ARHGEF10: variants seen among roughly 807,000 people sequenced by gnomAD.
ARHGEF10 encodes Rho guanine nucleotide exchange factor (GEF) 10.
In ARHGEF10, 140 loss-of-function variants were observed where a neutral mutation model predicts 147.4. The ratio of observed to expected loss-of-function variants is 0.95; its 90% CI spans 0.83 to 1.09. The LOEUF is 1.09. Ranked by LOEUF, ARHGEF10 falls within the 50% of genes least tolerant of loss-of-function variation. ARHGEF10 has a pLI of 0.00. For missense variants in ARHGEF10, 2,222 were observed against 1,752.7 expected (o/e 1.27, Z -4.78); for synonymous variants, 902 against 695.8 (o/e 1.30, Z -4.67).
At chr8:1,949,231 G>A (rs763887782) in intron 27 of ARHGEF10, among the ~76,000 whole-genome samples, 13 of 152,116 alleles carry the variant, frequency 8.5e-5, no homozygotes, top group African/African-American at 2.7e-4. Context: ...GTCTCAGCAC[G>A]CTGGCCCCTG....
At chr8:1,898,353 T>G in intron 14 of ARHGEF10, 80 bp from the exon 15 acceptor site, 1 of 1,226,500 alleles carries the variant, frequency 8.2e-7, no homozygotes, top group Non-Finnish European at 1.2e-6. Context: ...GTGTTCAGTG[T>G]GGTGGGGAGG....
chr8:1,856,484 A>G (rs1805563478), intron 2 of ARHGEF10, among the ~76,000 whole-genome samples: 1 of 152,218 alleles, frequency 6.6e-6, no homozygotes, highest in Admixed American at 6.5e-5. Context: ...TGACTAGTTT[A>G]GGAGATTCAA....
At chr8:1,832,247 G>A (rs1374736121) in intron 1 of ARHGEF10, among the ~76,000 whole-genome samples, 1 of 152,198 alleles carries the variant, frequency 6.6e-6, no homozygotes, top group East Asian at 1.9e-4. Context: ...GTGGGCGGGG[G>A]GCGCGTTGTG....
chr8:1,840,297 GCTGTCTGGTGTGGGGA>G (rs1803918424), intron 1 of ARHGEF10, among the ~76,000 whole-genome samples: 1 of 130,102 alleles, frequency 7.7e-6, no homozygotes, highest in Admixed American at 7.5e-5. Flanking sequence ...CTGTGTGGAA[GCTGTCTGGTGTGGGGA>G]CTGTCTGGTG....
chr8:1,900,339 A>C (rs1810352426), intron 15 of ARHGEF10, among the ~76,000 whole-genome samples: 4 of 152,184 alleles, frequency 2.6e-5, no homozygotes, highest in African/African-American at 7.2e-5. Flanking sequence ...ATCCACCTTC[A>C]GCCGTCCTGG....
At chr8:1,872,775 G>C (rs778067224) in intron 7 of ARHGEF10, among the ~76,000 whole-genome samples, 1 of 152,162 alleles carries the variant, frequency 6.6e-6, no homozygotes, top group Non-Finnish European at 1.5e-5. Flanking sequence ...CACGGCGTTC[G>C]TTAATTTATT....
At chr8:1,842,086 CGA>C (rs1804137398) in intron 1 of ARHGEF10, among the ~76,000 whole-genome samples, 1 of 146,490 alleles carries the variant, frequency 6.8e-6, no homozygotes, top group African/African-American at 2.5e-5. Context: ...ACTGGGGCCG[CGA>C]GGCGCCGAAC....
rs1282026733 is a variant in ARHGEF10, at chr8:1,890,160, TGAGTGGGGTGAGGGTTTGTGAGGAGACAC to T, written c.1183-3408_1183-3380del. Among the ~76,000 whole-genome samples, 4 of 38,538 alleles carry T rather than the reference TGAGTGGGGTGAGGGTTTGTGAGGAGACAC, an allele frequency of 1.0e-4. No homozygotes were observed. The East Asian group carries it at 5.0e-3, about 48-fold the overall frequency. The allele number at this position is 38,538 out of a possible 152,430, so 25.3% of individuals were successfully genotyped here. ...GGGGTGAGGGTTTGTGAGGAGACAC[TGAGTGGGGTGAGGGTTTGTGAGGAGACAC>T]TGAATAGGGTGAGGGTTGTGAAGAG... On this transcript the variant is annotated intron_variant, in intron 11 of 28. Coordinates refer to ENST00000349830, the MANE Select transcript of ARHGEF10 (RefSeq NM_014629.4).
rs145978510 is a variant in ARHGEF10 at position 1,859,961 on chromosome 8, G to A, written c.258G>A (p.Pro86=). The change falls in exon 4 of 29, where the codon CCG becomes CCA. Residue 86 remains proline (P), a synonymous_variant. Transcript: ENST00000349830. Reference sequence around the variant, plus strand: ...CAGAGCCTACTAAGCTGGTGCTCCCGATGAAAGTCAACCCATATTCTGTCA... The same window carrying A: ...CAGAGCCTACTAAGCTGGTGCTCCCAATGAAAGTCAACCCATATTCTGTCA... The part of the protein sequence containing the change: ...PVAEPTKLVL[P]MKVNPYSVID... The A allele has an allele frequency of 1.4e-5, 22 of 1,614,154 alleles. No individual in the cohort carries two copies. The highest frequency in any genetic ancestry group is 8.9e-5 in the East Asian group (4 of 44,866).
intron 4 of ARHGEF10, among the ~76,000 whole-genome samples, chr8:1,862,657 C>T (rs184935435): frequency 8.5e-5 from 13 of 152,290 alleles, no homozygotes; most frequent in African/African-American, 2.9e-4. Context: ...GTGGGGGAGA[C>T]ATTTCTCACC....
At position 1,905,607 on chromosome 8, in the gene ARHGEF10, G is replaced by A; in HGVS notation, c.1858G>A (p.Asp620Asn). 1 of 1,614,186 alleles carries A rather than the reference G, an allele frequency of 6.2e-7. No individual in the cohort carries two copies. The highest frequency in any genetic ancestry group is 1.3e-5 in the African/African-American group (1 of 75,040). The change falls in exon 17 of 29, where the codon GAT becomes AAT. Residue 620 changes from aspartate to asparagine, a missense_variant. By Grantham distance (23) the Asp-to-Asn change is conservative. Transcript: ENST00000349830. ...SSGSRYLIRS[D>N]DMIETVYNDR... Reference sequence around the variant, plus strand: ...TGGAAGCCGATACCTCATTCGATCAGATGATATGATAGAAACAGTTTACAA... The same window carrying A: ...TGGAAGCCGATACCTCATTCGATCAAATGATATGATAGAAACAGTTTACAA...
At position 1,902,156 on chromosome 8, in the gene ARHGEF10, C is replaced by A. The variant is rs183889144; in HGVS notation, c.1651-1125C>A. On this transcript the variant is annotated intron_variant, in intron 15 of 28. Coordinates refer to ENST00000349830, the MANE Select transcript of ARHGEF10 (RefSeq NM_014629.4). ...TAATGCTCTCCCTCCCCTCACCCCC[C>A]GCCCCGCAACAGGCCCCGGTGTGTG... Among the ~76,000 whole-genome samples the A allele has an allele frequency of 2.0e-4, 31 of 152,228 alleles. No homozygotes were observed. The East Asian group carries it at 2.3e-3, about 11-fold the overall frequency.
At chr8:1,851,936 C>T (rs1051607518) in intron 2 of ARHGEF10, among the ~76,000 whole-genome samples, 4 of 151,242 alleles carry the variant, frequency 2.6e-5, no homozygotes, top group Admixed American at 2.0e-4. Flanking sequence ...AATTAATAAC[C>T]AAATGGAAAT....
chr8:1,874,833 A>G (rs1357634984), intron 7 of ARHGEF10, among the ~76,000 whole-genome samples: 5 of 133,342 alleles, frequency 3.7e-5, no homozygotes, highest in African/African-American at 1.4e-4. Context: ...GGAGACACAC[A>G]CCACGGCGTG....
chr8:1,876,255 C>G (rs561371255), intron 7 of ARHGEF10: 223 of 428,992 alleles, frequency 5.2e-4, no homozygotes, highest in African/African-American at 4.0e-3. Context: ...GTGAAGTTCT[C>G]TAAGGCTGAC....
Position 1,843,436 on chromosome 8 carries a change from G to A in ARHGEF10, c.37G>A (p.Glu13Lys), listed in dbSNP as rs1428535249. Residue 13 changes from glutamate to lysine, a missense_variant and splice_region_variant, in exon 2 of 29, where the codon GAA becomes AAA. Glu to Lys is a moderately conservative substitution (Grantham distance 56). Transcript: ENST00000349830. The stretch of plus-strand genomic sequence containing the variant: ...AGAGCCCCTGCCTCCCGCTCCTGCA[G>A]GTAACAGCACTCAGTAGGTGGGCCT... Reference protein sequence around the residue: ...QREPLPPAPAENEMKYDTNNN... With the variant: ...QREPLPPAPAKNEMKYDTNNN... 3.1e-6 allele frequency: 5 copies of A among 1,612,254 alleles called. No individual in the cohort carries two copies. Among genetic ancestry groups the A allele is most frequent in the Middle Eastern group, 1.7e-4 (1 of 6,012 alleles).
chr8:1,887,855 G>A (rs1267537083), intron 11 of ARHGEF10, among the ~76,000 whole-genome samples: 1 of 149,736 alleles, frequency 6.7e-6, no homozygotes, highest in Non-Finnish European at 1.5e-5. Context: ...TGAGTGGGAT[G>A]TGAGGGGTCT....
chr8:1,942,638 G>T (rs552583042), intron 26 of ARHGEF10, among the ~76,000 whole-genome samples: 2 of 152,130 alleles, frequency 1.3e-5, no homozygotes, highest in African/African-American at 4.8e-5. Context: ...ATGCAGACAC[G>T]AATTATCATA....
At chr8:1,886,784 A>C (rs1220024577) in intron 11 of ARHGEF10, among the ~76,000 whole-genome samples, 1 of 152,124 alleles carries the variant, frequency 6.6e-6, no homozygotes, top group Non-Finnish European at 1.5e-5. Context: ...GACTCGGAGG[A>C]GGCTGATCAT....
Sources: gnomAD v4.1 joint callset for allele counts (sites outside exome capture counted in the v4.1 genomes callset) on GRCh38, gnomAD v4.1.1 for gene constraint, MANE v1.5 for transcripts, NCBI Gene and HGNC (gene_info 2026-07-23, HGNC 2026-07-21) for gene names.